LTBP2: variants seen among roughly 807,000 people sequenced by gnomAD.
LTBP2 encodes the protein latent-transforming growth factor beta-binding protein 2.
Under a neutral mutation model 210.6 loss-of-function variants are expected in LTBP2, and 103 were observed. The observed-to-expected ratio is 0.49, with a 90% CI of 0.42 to 0.58. LTBP2 has a LOEUF of 0.58. LTBP2 is among the 20% of genes least tolerant of loss of function. The pLI, the probability that LTBP2 is intolerant of heterozygous loss-of-function variation, is 0.00. For synonymous variants in LTBP2, 1,007 were observed against 1,015.0 expected, an observed-to-expected ratio of 0.99 and a Z score of 0.15; for missense variants, 2,313 against 2,494.5, an observed-to-expected ratio of 0.93 and a Z score of 1.55.
intron 3 of LTBP2, chr14:74,560,128 A>C (rs2087775848): frequency 2.0e-5 from 3 of 152,206 alleles, no homozygotes. Flanking sequence ...TGGGGGAACA[A>C]CATAAAGTCG....
At chr14:74,567,682 G>C (rs1392242358) in intron 3 of LTBP2, among the ~76,000 whole-genome samples, 25 of 152,138 alleles carry the variant, frequency 1.6e-4, no homozygotes, top group Admixed American at 1.6e-3. Context: ...AGGAGGGAAG[G>C]GACTGGGCCT....
In LTBP2 at chr14:74,503,968, T is replaced by G. The variant is rs1174254286; in HGVS notation, c.4540A>C (p.Asn1514His). Residue 1514 changes from asparagine (N) to histidine (H), a missense_variant, in exon 31 of 36, where the codon AAT becomes CAT. Physicochemically the swap from Asn to His is moderately conservative, Grantham distance 68 (BLOSUM62 1). This residue lies in a region of LTBP2 where 443 missense variants were observed against 501.4 expected (regional missense o/e 0.88). Coordinates refer to ENST00000261978, the MANE Select transcript of LTBP2 (RefSeq NM_000428.3). The part of the protein sequence containing the change: ...NTVPGYVCLC[N>H]PGFHYDASHK... ...GAAGCATCGTAGTGGAAGCCGGGAT[T>G]GCACAGGCAGACATAACCAGGCACG... 2.7e-5 allele frequency: 44 copies of G among 1,614,158 alleles called. No homozygotes were observed. Among genetic ancestry groups the G allele is most frequent in the Non-Finnish European group, 3.7e-5 (44 of 1,180,032 alleles).
At chr14:74,557,568 G>A (rs964607742) in intron 3 of LTBP2, among the ~76,000 whole-genome samples, 13 of 152,146 alleles carry the variant, frequency 8.5e-5, no homozygotes, top group African/African-American at 3.1e-4. Flanking sequence ...TACCACTTGT[G>A]AAAATCCTCC....
At chr14:74,579,040 AG>A (rs1238518590) in intron 3 of LTBP2, among the ~76,000 whole-genome samples, 1 of 152,160 alleles carries the variant, frequency 6.6e-6, no homozygotes, top group Non-Finnish European at 1.5e-5. Context: ...TATTTTTAGT[AG>A]AGACGGGGTT....
Position 74,528,706 on chromosome 14 carries a change from G to A in LTBP2, c.2153-8C>T, listed in dbSNP as rs2087310344. Reference sequence around the variant, plus strand: ...AGATCTCTCTGAAGGCCTCTGCAAAGCCAACAGCCAGAGGACAAACTGAGA... The same window carrying A: ...AGATCTCTCTGAAGGCCTCTGCAAAACCAACAGCCAGAGGACAAACTGAGA... On this transcript the variant is annotated splice_region_variant and splice_polypyrimidine_tract_variant and intron_variant, in intron 11 of 35. Transcript: ENST00000261978. 6.2e-7 allele frequency: 1 copy of A among 1,610,614 alleles called. No individual in the cohort carries two copies. Among genetic ancestry groups the A allele is most frequent in the Non-Finnish European group, 8.5e-7 (1 of 1,179,938 alleles).
At position 74,586,495 on chromosome 14, in the gene LTBP2, A is replaced by G. The variant is rs2088207236; in HGVS notation, c.566-377T>C. Reference sequence around the variant, plus strand: ...AGACAGCGGCCCCGGAACTTTGACTAGGGATTGCCACAGAGTAGATTCTCA... The same window carrying G: ...AGACAGCGGCCCCGGAACTTTGACTGGGGATTGCCACAGAGTAGATTCTCA... On this transcript the variant is annotated intron_variant, in intron 2 of 35. Coordinates refer to ENST00000261978, the MANE Select transcript of LTBP2 (RefSeq NM_000428.3). The surrounding 1 kb of genome is among the most constrained non-coding windows in gnomAD (Gnocchi z 4.6). Among the ~76,000 whole-genome samples, 1 of 152,172 alleles carries G rather than the reference A, an allele frequency of 6.6e-6. No individual in the cohort carries two copies.
In LTBP2 at chr14:74,555,491, G is replaced by T. The variant is rs778416368; in HGVS notation, c.1021+12C>A. ...CCCTGCTCTTCTAGGACCCAAGACA[G>T]GGTATCCTTACCCCAGGGGGATGAG... On this transcript the variant is annotated intron_variant, in intron 4 of 35. Coordinates refer to ENST00000261978, the MANE Select transcript of LTBP2 (RefSeq NM_000428.3). 1.2e-6 allele frequency: 2 copies of T among 1,612,790 alleles called. No homozygotes were observed. The highest frequency in any genetic ancestry group is 2.7e-5 in the African/African-American group (2 of 74,876).
intron 34 of LTBP2, chr14:74,501,910 T>G: frequency 4.6e-6 from 2 of 437,636 alleles, no homozygotes; most frequent in South Asian, 4.7e-5. Context: ...CTACATAGTT[T>G]TTGGGTTTGG....
chr14:74,511,671 G>A (rs1163371531), intron 18 of LTBP2, among the ~76,000 whole-genome samples: 1 of 152,172 alleles, frequency 6.6e-6, no homozygotes. Context: ...TGTTGGGGAT[G>A]GGCTTTCATC....
chr14:74,551,401 T>C, intron 6 of LTBP2, 51 bp from the exon 7 acceptor site: 2 of 1,487,894 alleles, frequency 1.3e-6, no homozygotes, highest in Admixed American at 2.2e-5. Context: ...CCCACCCTCA[T>C]TTCCAACCCT....
intron 25 of LTBP2, 40 bp from the exon 26 acceptor site, chr14:74,507,350 C>T: frequency 6.2e-7 from 1 of 1,613,086 alleles, no homozygotes; most frequent in Non-Finnish European, 8.5e-7. Flanking sequence ...ACAGAGGTGG[C>T]CAGGTCACTG....
rs758994163 is a variant in LTBP2 at position 74,502,756 on chromosome 14, A to G, written c.5067T>C (p.Pro1689=). The stretch of plus-strand genomic sequence containing the variant: ...AGTGACCGGCTGTGTTGGGGAAGGC[A>G]GGCTCAGGGACGGTGTCCTCGGGGC... ...YLGPEDTVPE[P]AFPNTAGHSA... Residue 1689 remains proline, a synonymous_variant, in exon 34 of 36, where the codon CCT becomes CCC. Coordinates refer to ENST00000261978, the MANE Select transcript of LTBP2 (RefSeq NM_000428.3). The G allele has an allele frequency of 1.2e-6, 2 of 1,614,202 alleles. No homozygotes were observed. The highest frequency in any genetic ancestry group is 2.2e-5 in the South Asian group (2 of 91,088).
intron 5 of LTBP2, 71 bp downstream of exon 5, chr14:74,552,821 G>A: frequency 1.6e-5 from 24 of 1,543,520 alleles, no homozygotes; most frequent in Non-Finnish European, 2.0e-5. Flanking sequence ...CCAGTCCAAG[G>A]CAGGCCTGGC....
At chr14:74,510,062 G>T in intron 20 of LTBP2, 29 bp downstream of exon 20, 1 of 1,613,806 alleles carries the variant, frequency 6.2e-7, no homozygotes, top group South Asian at 1.1e-5. Flanking sequence ...ATCGGCCTGC[G>T]GAGAAGGGGC....
intron 26 of LTBP2, 33 bp downstream of exon 26, chr14:74,507,146 C>G (rs199628037): frequency 6.2e-7 from 1 of 1,613,990 alleles, no homozygotes; most frequent in South Asian, 1.1e-5. Flanking sequence ...TTTTCTCAGC[C>G]CTCTCTCCTC....
At position 74,611,828 on chromosome 14, in the gene LTBP2, G is replaced by A. The variant is rs375904319; in HGVS notation, c.117C>T (p.Pro39=). The A allele has an allele frequency of 4.3e-6, 7 of 1,611,596 alleles. No individual in the cohort carries two copies. The highest frequency in any genetic ancestry group is 5.9e-6 in the Non-Finnish European group (7 of 1,179,634). ...CACCAGCCGGCTCGTATCTCCCTAC[G>A]GGGTCCCTTTGGGCATGACCCGCGC... ...FVGAGHAQRD[P]VGRYEPAGGD... The change falls in exon 1 of 36, where the codon CCC becomes CCT. Residue 39 remains proline, a synonymous_variant. Coordinates refer to ENST00000261978, the MANE Select transcript of LTBP2 (RefSeq NM_000428.3).
chr14:74,570,760 C>G lies in LTBP2; in HGVS notation c.831-15067G>C, dbSNP rs186622414. Among the ~76,000 whole-genome samples, 4 of 152,274 alleles carry G rather than the reference C, an allele frequency of 2.6e-5. No individual in the cohort carries two copies. In the East Asian group the frequency reaches 7.7e-4, roughly 29 times the overall value. ...CGGGGTCATCCCCAGCAGGGAAGTG[C>G]TGGGCCAGGGTCTTCAGGCTGAGCT... On this transcript the variant is annotated intron_variant, in intron 3 of 35. Transcript: ENST00000261978.
chr14:74,521,016 G>A (rs1294752942), intron 17 of LTBP2, among the ~76,000 whole-genome samples: 5 of 152,170 alleles, frequency 3.3e-5, no homozygotes, highest in East Asian at 1.9e-4. Context: ...AACACTACCC[G>A]TGATTCTCCC....
Position 74,508,972 on chromosome 14 carries a change from A to C in LTBP2, c.3404-20T>G. 3.1e-6 allele frequency: 5 copies of C among 1,612,430 alleles called. No individual in the cohort carries two copies. The highest frequency in any genetic ancestry group is 4.2e-6 in the Non-Finnish European group (5 of 1,179,470). On this transcript the variant is annotated intron_variant, in intron 22 of 35. Coordinates refer to ENST00000261978, the MANE Select transcript of LTBP2 (RefSeq NM_000428.3). ...CCACATCTGCAGGGCCACACAGGGG[A>C]GGAAGACAGCCGATGGCAGCACCTC...
Sources: gnomAD v4.1 joint callset for allele counts (sites outside exome capture counted in the v4.1 genomes callset) on GRCh38, gnomAD v4.1.1 for gene constraint, gnomAD v4.1.1 regional missense constraint, Gnocchi (gnomAD v3.1) non-coding constraint, MANE v1.5 for transcripts, NCBI Gene and HGNC (gene_info 2026-07-23, HGNC 2026-07-21) for gene names.